Variants in UBE2G1 observed in about 807,000 individuals in gnomAD.
The protein encoded by UBE2G1 is ubiquitin conjugating enzyme E2 G1.
Under a neutral mutation model 22.7 loss-of-function variants are expected in UBE2G1, and 5 were observed. The observed-to-expected ratio is 0.22, with a 90% CI of 0.12 to 0.46. UBE2G1 has a LOEUF of 0.46. UBE2G1 is among the 20% of genes least tolerant of loss of function. The pLI, the probability that UBE2G1 is intolerant of heterozygous loss-of-function variation, is 0.99. For missense variants in UBE2G1, 88 were observed against 203.9 expected (o/e 0.43, Z 3.46); for synonymous variants, 74 against 67.5 (o/e 1.10, Z -0.47).
intron 1 of UBE2G1, among the ~76,000 whole-genome samples, chr17:4,314,888 C>T (rs1328295059): frequency 2.0e-5 from 3 of 152,140 alleles, no homozygotes; most frequent in Non-Finnish European, 4.4e-5. Flanking sequence ...AAGAACAAGA[C>T]CTAGAATCTT....
In UBE2G1 at chr17:4,270,768, G is replaced by A. The variant is rs1033720454; in HGVS notation, c.*1786C>T. The A allele has an allele frequency of 2.0e-5, 3 of 152,048 alleles. No homozygotes were observed. The highest frequency in any genetic ancestry group is 7.2e-5 in the African/African-American group (3 of 41,382). 9.4% of individuals were successfully genotyped at this position (152,048 alleles called of 1,614,324 possible). ...TTTGTGGGTTTGTATAATGTTTACAGGTTTTTATAACGCTTCAGAGTAGAG... is the reference window on the plus strand; with the variant it reads ...TTTGTGGGTTTGTATAATGTTTACAAGTTTTTATAACGCTTCAGAGTAGAG... On this transcript the variant is annotated 3_prime_UTR_variant, in exon 6 of 6. Transcript: ENST00000396981.
At chr17:4,301,678 T>G in intron 2 of UBE2G1, 1 of 734,766 alleles carries the variant, frequency 1.4e-6, no homozygotes, top group South Asian at 1.3e-5. Flanking sequence ...TTGTTCTGGG[T>G]GGAATATTTA....
intron 1 of UBE2G1, among the ~76,000 whole-genome samples, chr17:4,333,491 C>T (rs1030401052): frequency 2.6e-5 from 4 of 152,098 alleles, no homozygotes; most frequent in Non-Finnish European, 5.9e-5. Context: ...GCCTGGCCAA[C>T]ATGGAGAAAC....
chr17:4,312,523 C>T lies in UBE2G1; in HGVS notation c.47-5400G>A, dbSNP rs1358693292. ...CATCCTGGCTAACACGGTGAAACCC[C>T]GTCTCTACTAAAAATGCAAAAAATT... is the stretch of plus-strand genomic sequence containing the variant. On this transcript the variant is annotated intron_variant, in intron 1 of 5. Coordinates refer to ENST00000396981, the MANE Select transcript of UBE2G1 (RefSeq NM_003342.5). Among the ~76,000 whole-genome samples the T allele has an allele frequency of 2.6e-5, 4 of 151,706 alleles. No homozygotes were observed. The East Asian group carries it at 5.8e-4, about 22-fold the overall frequency.
At chr17:4,358,718 G>T (rs1969934801) in intron 1 of UBE2G1, among the ~76,000 whole-genome samples, 1 of 152,172 alleles carries the variant, frequency 6.6e-6, no homozygotes. Flanking sequence ...TTGGGAGGCT[G>T]AAGCAGGTGG....
At chr17:4,354,246 T>C (rs1012473842) in intron 1 of UBE2G1, among the ~76,000 whole-genome samples, 1 of 152,206 alleles carries the variant, frequency 6.6e-6, no homozygotes, top group African/African-American at 2.4e-5. Flanking sequence ...CTCTTGACTT[T>C]TTCTGTAATA....
chr17:4,306,344 GC>G (rs1969248801), intron 2 of UBE2G1, among the ~76,000 whole-genome samples: 1 of 151,116 alleles, frequency 6.6e-6, no homozygotes, highest in African/African-American at 2.4e-5. Context: ...ATGCCACCAT[GC>G]CCAGCTAATT....
At chr17:4,336,680 C>T (rs1969652236) in intron 1 of UBE2G1, among the ~76,000 whole-genome samples, 1 of 152,082 alleles carries the variant, frequency 6.6e-6, no homozygotes, top group Non-Finnish European at 1.5e-5. Context: ...GCATGCACCA[C>T]CACACCCAGC....
At chr17:4,280,929 G>A (rs1167463525) in intron 5 of UBE2G1, among the ~76,000 whole-genome samples, 2 of 152,088 alleles carry the variant, frequency 1.3e-5, no homozygotes, top group African/African-American at 4.8e-5. Flanking sequence ...CACCGCACCT[G>A]GCCACAAAGG....
At chr17:4,275,972 ACT>A (rs1968816989) in intron 5 of UBE2G1, among the ~76,000 whole-genome samples, 1 of 151,264 alleles carries the variant, frequency 6.6e-6, no homozygotes, top group Admixed American at 6.6e-5. Flanking sequence ...CACTCTCCTA[ACT>A]CTCCTGCATG....
intron 1 of UBE2G1, among the ~76,000 whole-genome samples, chr17:4,325,094 AAAC>A (rs1039206774): frequency 4.7e-5 from 7 of 149,416 alleles, no homozygotes; most frequent in African/African-American, 1.5e-4. Flanking sequence ...CCAACCAAAC[AAAC>A]AAAAAAAACA....
intron 1 of UBE2G1, among the ~76,000 whole-genome samples, chr17:4,365,711 G>A (rs562255315): frequency 4.9e-4 from 75 of 152,292 alleles, no homozygotes; most frequent in African/African-American, 1.7e-3. Flanking sequence ...CCTCGCGCCC[G>A]CGTGGAGGCC....
At chr17:4,307,867 G>A (rs1297302878) in intron 1 of UBE2G1, among the ~76,000 whole-genome samples, 2 of 152,116 alleles carry the variant, frequency 1.3e-5, no homozygotes, top group Non-Finnish European at 2.9e-5. Context: ...GCGAGGAACT[G>A]GCAAGGTGGG....
chr17:4,298,752 T>C (rs985457645), intron 2 of UBE2G1, among the ~76,000 whole-genome samples: 1 of 152,104 alleles, frequency 6.6e-6, no homozygotes, highest in Non-Finnish European at 1.5e-5. Flanking sequence ...AATTTAACAG[T>C]TGAAGATAGT....
chr17:4,362,942 G>T (rs1969986087), intron 1 of UBE2G1, among the ~76,000 whole-genome samples: 1 of 152,062 alleles, frequency 6.6e-6, no homozygotes, highest in African/African-American at 2.4e-5. Context: ...GGCCAACATG[G>T]TGAAACCCTG....
At chr17:4,307,488 T>C (rs1453542646) in intron 1 of UBE2G1, among the ~76,000 whole-genome samples, 1 of 152,232 alleles carries the variant, frequency 6.6e-6, no homozygotes, top group African/African-American at 2.4e-5. Context: ...GCAATTCTTA[T>C]GCTGCTGTCT....
intron 1 of UBE2G1, among the ~76,000 whole-genome samples, chr17:4,319,473 T>C (rs1039523329): frequency 1.3e-5 from 2 of 152,144 alleles, no homozygotes; most frequent in East Asian, 1.9e-4. Context: ...TGGTGGCTCA[T>C]GCCTGTAATC....
intron 5 of UBE2G1, among the ~76,000 whole-genome samples, chr17:4,275,668 C>T (rs1968812992): frequency 6.6e-6 from 1 of 152,026 alleles, no homozygotes; most frequent in South Asian, 2.1e-4. Flanking sequence ...ATGTTAATGA[C>T]AAAAATAAAA....
At chr17:4,313,538 A>T (rs979938001) in intron 1 of UBE2G1, among the ~76,000 whole-genome samples, 11 of 152,344 alleles carry the variant, frequency 7.2e-5, no homozygotes, top group African/African-American at 1.9e-4. Context: ...TCTTTCTCAC[A>T]AAAGTCATGA....
Sources: allele counts gnomAD v4.1 joint callset (sites outside exome capture counted in the v4.1 genomes callset), GRCh38; gene constraint gnomAD v4.1.1; transcripts MANE v1.5; gene names NCBI Gene and HGNC (gene_info 2026-07-23, HGNC 2026-07-21).